The following ANTXR1 variants were observed in gnomAD, a reference collection of about 807,000 sequenced individuals.
ANTXR1 encodes the protein ANTXR cell adhesion molecule 1.
Under a neutral mutation model 78.1 loss-of-function variants are expected in ANTXR1, and 19 were observed. The observed-to-expected ratio is 0.24, with a 90% CI of 0.17 to 0.36. The LOEUF is 0.36. Among genes scored for constraint, ANTXR1 ranks in the 10% least tolerant of loss-of-function variants. The pLI is 1.00. For missense variants in ANTXR1, 518 were observed against 718.6 expected (o/e 0.72, Z 3.19); for synonymous variants, 273 against 260.5 (o/e 1.05, Z -0.46).
chr2:69,102,976 A>G (rs749645877), intron 10 of ANTXR1, 36 bp downstream of exon 10: 3 of 1,593,214 alleles, frequency 1.9e-6, no homozygotes, highest in Non-Finnish European at 2.6e-6. Flanking sequence ...TTCTTCGACA[A>G]GTGGCTTCAA....
intron 17 of ANTXR1, among the ~76,000 whole-genome samples, chr2:69,215,636 A>G (rs1233462512): frequency 6.6e-6 from 1 of 152,214 alleles, no homozygotes; most frequent in African/African-American, 2.4e-5. Flanking sequence ...CCTGCAAGCC[A>G]TATGGGAGTG....
At chr2:69,114,135 G>A (rs1444873300) in intron 10 of ANTXR1, among the ~76,000 whole-genome samples, 1 of 152,158 alleles carries the variant, frequency 6.6e-6, no homozygotes, top group Non-Finnish European at 1.5e-5. Context: ...AATATGCATG[G>A]AAAAATTCTG....
chr2:69,160,204 G>A (rs1295154041), intron 13 of ANTXR1, among the ~76,000 whole-genome samples: 1 of 152,090 alleles, frequency 6.6e-6, no homozygotes, highest in Non-Finnish European at 1.5e-5. Flanking sequence ...CCTCACCTCT[G>A]GAGGGCAGGT....
chr2:69,207,890 T>C (rs1396411757), intron 17 of ANTXR1, among the ~76,000 whole-genome samples: 2 of 152,286 alleles, frequency 1.3e-5, no homozygotes, highest in Admixed American at 6.5e-5. Context: ...GTGGTTTCTC[T>C]CTCCCCCAGT....
At chr2:69,144,216 C>A (rs532727439) in intron 12 of ANTXR1, among the ~76,000 whole-genome samples, 1 of 152,168 alleles carries the variant, frequency 6.6e-6, no homozygotes, top group South Asian at 2.1e-4. Context: ...AGAGGGACAG[C>A]GGCAGGTGTG....
intron 17 of ANTXR1, among the ~76,000 whole-genome samples, chr2:69,209,735 A>G (rs767307335): frequency 7.2e-5 from 11 of 152,256 alleles, no homozygotes; most frequent in Admixed American, 1.3e-4. Flanking sequence ...AGAGCTTGGC[A>G]TGTTGGAGGA....
chr2:69,143,869 T>A (rs1029487940), intron 12 of ANTXR1, among the ~76,000 whole-genome samples: 2 of 150,854 alleles, frequency 1.3e-5, no homozygotes, highest in Non-Finnish European at 1.5e-5. Context: ...ATTGGGAGAG[T>A]CACAGATGCC....
At chr2:69,052,969 CAT>C (rs1190529500) in intron 3 of ANTXR1, among the ~76,000 whole-genome samples, 1 of 152,182 alleles carries the variant, frequency 6.6e-6, no homozygotes. Context: ...AATTTTTCCA[CAT>C]GTGTATGACC....
chr2:69,175,474 T>G (rs1674096470), intron 14 of ANTXR1, among the ~76,000 whole-genome samples: 1 of 151,922 alleles, frequency 6.6e-6, no homozygotes, highest in African/African-American at 2.4e-5. Flanking sequence ...AAATAAAAAT[T>G]AGCTTGGCAT....
chr2:69,014,862 G>A (rs1670974902), intron 1 of ANTXR1, among the ~76,000 whole-genome samples: 1 of 152,164 alleles, frequency 6.6e-6, no homozygotes, highest in Non-Finnish European at 1.5e-5. Flanking sequence ...AGATTCTTTG[G>A]ATGAAAAGTG....
intron 13 of ANTXR1, among the ~76,000 whole-genome samples, chr2:69,165,674 A>T (rs965254166): frequency 2.0e-5 from 3 of 152,246 alleles, no homozygotes; most frequent in African/African-American, 7.2e-5. Flanking sequence ...TTCAAACGGA[A>T]CGTCTAGTGA....
chr2:69,139,634 G>A (rs576756164), intron 12 of ANTXR1, among the ~76,000 whole-genome samples: 29 of 152,156 alleles, frequency 1.9e-4, no homozygotes, highest in African/African-American at 6.0e-4. Flanking sequence ...ATAGATGCTC[G>A]GGTAGAGCAT....
chr2:69,043,736 A>G (rs1368866189), intron 2 of ANTXR1, among the ~76,000 whole-genome samples: 1 of 152,168 alleles, frequency 6.6e-6, no homozygotes, highest in Non-Finnish European at 1.5e-5. Flanking sequence ...TTTTAGGAAA[A>G]TAATTCTGGG....
intron 16 of ANTXR1, among the ~76,000 whole-genome samples, chr2:69,187,847 C>T (rs1674458304): frequency 6.6e-6 from 1 of 151,270 alleles, no homozygotes; most frequent in African/African-American, 2.4e-5. Flanking sequence ...CCTCGGCCGC[C>T]CATAGTGCTA....
intron 12 of ANTXR1, among the ~76,000 whole-genome samples, chr2:69,149,950 T>C (rs1225859857): frequency 6.6e-6 from 1 of 152,346 alleles, no homozygotes; most frequent in East Asian, 1.9e-4. Context: ...GGCCATGGCA[T>C]GTCCATCGTC....
rs1675984400 is a variant in ANTXR1 at position 69,245,124 on chromosome 2, G to A, written c.1435-101G>A. The A allele has an allele frequency of 6.4e-6, 9 of 1,396,588 alleles. No individual in the cohort carries two copies. In the South Asian group the frequency reaches 9.2e-5, roughly 14 times the overall value. 86.5% of individuals were successfully genotyped at this position (1,396,588 alleles called of 1,614,324 possible). A position where few individuals can be genotyped will look rare whatever the true frequency, so the allele number is the denominator to read the frequency against. On this transcript the variant is annotated intron_variant, in intron 17 of 17. Coordinates refer to ENST00000303714, the MANE Select transcript of ANTXR1 (RefSeq NM_032208.3). The stretch of plus-strand genomic sequence containing the variant: ...CACTAGAGAGTTGTCACCAACAGGG[G>A]CCAGCTTTCCACATATTGCTTGCAA...
intron 13 of ANTXR1, among the ~76,000 whole-genome samples, chr2:69,155,528 G>A (rs535633378): frequency 3.8e-4 from 58 of 152,226 alleles, no homozygotes; most frequent in Non-Finnish European, 6.8e-4. Flanking sequence ...AGTTTGGTCC[G>A]ATATTATTGA....
At chr2:69,068,531 G>A (rs1018115762) in intron 3 of ANTXR1, among the ~76,000 whole-genome samples, 3 of 152,180 alleles carry the variant, frequency 2.0e-5, no homozygotes, top group Non-Finnish European at 4.4e-5. Context: ...ATTGGAGAAA[G>A]GGGCTTGGGA....
intron 3 of ANTXR1, among the ~76,000 whole-genome samples, chr2:69,050,517 G>A (rs1669900866): frequency 6.6e-6 from 1 of 151,632 alleles, no homozygotes; most frequent in South Asian, 2.1e-4. Flanking sequence ...CATGAGCTTG[G>A]AAAAATGAGT....
Sources: allele counts gnomAD v4.1 joint callset (sites outside exome capture counted in the v4.1 genomes callset), GRCh38; gene constraint gnomAD v4.1.1; transcripts MANE v1.5; gene names NCBI Gene and HGNC (gene_info 2026-07-23, HGNC 2026-07-21).